The following SRGAP2C variants were observed in gnomAD, a reference collection of about 807,000 sequenced individuals.
SRGAP2C encodes the protein SLIT-ROBO Rho GTPase-activating protein 2C.
Under a neutral mutation model 25.1 loss-of-function variants are expected in SRGAP2C, and 15 were observed. The ratio of observed to expected loss-of-function variants is 0.60; its 90% CI spans 0.40 to 0.92. SRGAP2C has a LOEUF of 0.92. Among genes scored for constraint, SRGAP2C ranks in the 40% least tolerant of loss-of-function variants. The probability of loss-of-function intolerance (pLI) is 0.00; values close to 1 mark genes in which losing one functional copy is unlikely to be tolerated. For missense variants in SRGAP2C, 144 were observed against 264.4 expected, an observed-to-expected ratio of 0.54 and a Z score of 3.16; for synonymous variants, 44 against 96.6, an observed-to-expected ratio of 0.46 and a Z score of 3.19.
chr1:121,258,542 G>A (rs1263117939), intron 2 of SRGAP2C, among the ~76,000 whole-genome samples: 7 of 150,330 alleles, frequency 4.7e-5, no homozygotes, highest in Non-Finnish European at 7.4e-5. Flanking sequence ...CTTGGCTCAC[G>A]GCAACCTCTG....
At chr1:121,202,509 A>G (rs1655009187) in intron 2 of SRGAP2C, among the ~76,000 whole-genome samples, 1 of 145,862 alleles carries the variant, frequency 6.9e-6, no homozygotes, top group Non-Finnish European at 1.5e-5. Context: ...GCTCACTGCA[A>G]CCTCCGACTC....
intron 2 of SRGAP2C, among the ~76,000 whole-genome samples, chr1:121,195,165 C>T (rs1448283586): frequency 2.0e-5 from 3 of 152,044 alleles, no homozygotes; most frequent in Admixed American, 6.6e-5. Flanking sequence ...AATCCCAGCA[C>T]TTTGAGAGGC....
intron 2 of SRGAP2C, among the ~76,000 whole-genome samples, chr1:121,229,207 GT>G (rs1655756466): frequency 9.0e-6 from 1 of 111,556 alleles, no homozygotes; most frequent in East Asian, 2.4e-4. Context: ...CACTTTACGT[GT>G]CTTATTTTTC....
At chr1:121,288,697 C>T (rs1657427091) in intron 3 of SRGAP2C, among the ~76,000 whole-genome samples, 2 of 64,988 alleles carry the variant, frequency 3.1e-5, no homozygotes, top group South Asian at 9.4e-4. Context: ...GGTGTATTTA[C>T]AATCTCTGAG....
chr1:121,352,614 AC>A (rs1243183993), intron 4 of SRGAP2C, among the ~76,000 whole-genome samples: 2 of 136,276 alleles, frequency 1.5e-5, no homozygotes, highest in African/African-American at 5.6e-5. Context: ...AGAAAGGAAT[AC>A]CCTTCAAAAA....
Position 121,392,546 on chromosome 1 carries a change from C to A in SRGAP2C, c.*4691C>A, listed in dbSNP as rs1660128664. The A allele has an allele frequency of 6.9e-6, 1 of 145,844 alleles. No homozygotes were observed. Among genetic ancestry groups the A allele is most frequent in the South Asian group, 2.3e-4 (1 of 4,420 alleles). 9.0% of individuals were successfully genotyped at this position (145,844 alleles called of 1,614,324 possible). ...TAAGCGTCACAAACAGGCTTTCATA[C>A]CATTCTTAATTTGGTCCTGTAATTC... On this transcript the variant is annotated 3_prime_UTR_variant, in exon 10 of 10. Transcript: ENST00000367123.
chr1:121,195,120 A>G (rs1430055595), intron 2 of SRGAP2C, among the ~76,000 whole-genome samples: 1 of 151,146 alleles, frequency 6.6e-6, no homozygotes, highest in African/African-American at 2.4e-5. Flanking sequence ...TTCCATATAG[A>G]GTTGGCTTGG....
intron 2 of SRGAP2C, among the ~76,000 whole-genome samples, chr1:121,196,985 A>T (rs1229460153): frequency 1.3e-5 from 2 of 151,286 alleles, no homozygotes; most frequent in African/African-American, 4.9e-5. Flanking sequence ...AAAGACTGTT[A>T]ATATTAATCA....
chr1:121,220,245 G>A, intron 2 of SRGAP2C, among the ~76,000 whole-genome samples: 1 of 151,710 alleles, frequency 6.6e-6, no homozygotes, highest in Non-Finnish European at 1.5e-5. Context: ...GTGAAAACAA[G>A]CTACTGTGGG....
At chr1:121,278,087 T>A (rs1657148436) in intron 2 of SRGAP2C, among the ~76,000 whole-genome samples, 1 of 151,212 alleles carries the variant, frequency 6.6e-6, no homozygotes, top group South Asian at 2.1e-4. Context: ...ACTAAAGGCA[T>A]GCACCACCTC....
chr1:121,345,592 A>G (rs2993839), intron 4 of SRGAP2C, among the ~76,000 whole-genome samples: 1 of 151,968 alleles, frequency 6.6e-6, no homozygotes, highest in South Asian at 2.1e-4. Flanking sequence ...GAAATGGGGG[A>G]AAATATCACA....
chr1:121,225,993 C>T (rs1655656607), intron 2 of SRGAP2C, among the ~76,000 whole-genome samples: 1 of 151,426 alleles, frequency 6.6e-6, no homozygotes, highest in South Asian at 2.1e-4. Context: ...GTGTGAGCCA[C>T]CACGCCCGGC....
At chr1:121,192,498 G>T (rs879962102) in intron 2 of SRGAP2C, among the ~76,000 whole-genome samples, 3 of 150,530 alleles carry the variant, frequency 2.0e-5, no homozygotes, top group Admixed American at 6.6e-5. Context: ...CCTAGAGGAA[G>T]GTGGTAGGCA....
chr1:121,258,404 C>T (rs1553332880), intron 2 of SRGAP2C, among the ~76,000 whole-genome samples: 1 of 148,328 alleles, frequency 6.7e-6, no homozygotes, highest in East Asian at 2.0e-4. Context: ...GTTGAAGTTC[C>T]AGGATTGGAT....
At position 121,296,822 on chromosome 1, in the gene SRGAP2C, AC is replaced by A. The variant is rs1553338360; in HGVS notation, c.260+11828del. ...GAGTTCAAAGTCATTCACCAGTCTC[AC>A]AGGATAGCATTGGGTTGAAAAGCAT... is the stretch of plus-strand genomic sequence containing the variant. On this transcript the variant is annotated intron_variant, in intron 3 of 9. Transcript: ENST00000367123. Among the ~76,000 whole-genome samples the A allele has an allele frequency of 1.3e-3, 129 of 99,992 alleles. 1 individual carries two copies. The highest frequency in any genetic ancestry group is 1.6e-3 in the Non-Finnish European group (80 of 49,828). 65.6% of individuals were successfully genotyped at this position (99,992 alleles called of 152,430 possible). A position where few individuals can be genotyped will look rare whatever the true frequency, so the allele number is the denominator to read the frequency against.
At chr1:121,300,380 C>T (rs1657678176) in intron 3 of SRGAP2C, among the ~76,000 whole-genome samples, 1 of 135,688 alleles carries the variant, frequency 7.4e-6, no homozygotes, top group African/African-American at 2.8e-5. Flanking sequence ...GGGGAGGTCC[C>T]AGACTTTTGA....
intron 2 of SRGAP2C, among the ~76,000 whole-genome samples, chr1:121,208,511 G>A (rs587674987): frequency 4.6e-5 from 7 of 152,172 alleles, no homozygotes; most frequent in African/African-American, 1.2e-4. Flanking sequence ...ATACGGATGG[G>A]TAAATGATAA....
In SRGAP2C at chr1:121,391,433, C is replaced by G. The variant is rs1660078829; in HGVS notation, c.*3578C>G. On this transcript the variant is annotated 3_prime_UTR_variant, in exon 10 of 10. Coordinates refer to ENST00000367123, the MANE Select transcript of SRGAP2C (RefSeq NM_001329984.2). ...CACTTTGTGCCGGCTTTAAAGAACCCAGCACAAAGCCAGTCTGCATGGCCT... is the reference window on the plus strand; with the variant it reads ...CACTTTGTGCCGGCTTTAAAGAACCGAGCACAAAGCCAGTCTGCATGGCCT... 6.6e-6 allele frequency: 1 copy of G among 152,114 alleles called. No individual in the cohort carries two copies. Among genetic ancestry groups the G allele is most frequent in the Non-Finnish European group, 1.5e-5 (1 of 68,024 alleles). The allele number at this position is 152,114 out of a possible 1,614,324, so 9.4% of individuals were successfully genotyped here.
chr1:121,196,534 G>A lies in SRGAP2C; in HGVS notation c.67+9021G>A, dbSNP rs1170544363. Among the ~76,000 whole-genome samples the A allele has an allele frequency of 1.2e-4, 10 of 82,660 alleles. 1 individual carries two copies. The highest frequency in any genetic ancestry group is 5.0e-3 in the Middle Eastern group (1 of 202). The allele number at this position is 82,660 out of a possible 152,430, so 54.2% of individuals were successfully genotyped here. Reference sequence around the variant, plus strand: ...TAGGAATGTTTTGAAGTTGTGTAGCGCAATGCAAAGAATACAGGCTCTGGA... The same window carrying A: ...TAGGAATGTTTTGAAGTTGTGTAGCACAATGCAAAGAATACAGGCTCTGGA... On this transcript the variant is annotated intron_variant, in intron 2 of 9. Coordinates refer to ENST00000367123, the MANE Select transcript of SRGAP2C (RefSeq NM_001329984.2).
Sources: gnomAD v4.1 joint callset for allele counts (sites outside exome capture counted in the v4.1 genomes callset) on GRCh38, gnomAD v4.1.1 for gene constraint, MANE v1.5 for transcripts, NCBI Gene and HGNC (gene_info 2026-07-23, HGNC 2026-07-21) for gene names.